MECOM: variants seen among roughly 807,000 people sequenced by gnomAD.
MECOM encodes histone-lysine N-methyltransferase MECOM.
Under a neutral mutation model 116.3 loss-of-function variants are expected in MECOM, and 13 were observed. That is an observed-to-expected ratio of 0.11 (90% CI 0.07 to 0.18). The LOEUF is 0.18. MECOM is among the 10% of genes least tolerant of loss of function. The probability of loss-of-function intolerance (pLI) is 1.00; values close to 1 mark genes in which losing one functional copy is unlikely to be tolerated. For missense variants in MECOM, 1,299 were observed against 1,509.0 expected (o/e 0.86, Z 2.31); for synonymous variants, 528 against 535.2 (o/e 0.99, Z 0.19).
chr3:169,118,646 CAT>C (rs1387706409), intron 7 of MECOM, among the ~76,000 whole-genome samples: 4 of 152,006 alleles, frequency 2.6e-5, no homozygotes, highest in Non-Finnish European at 1.5e-5. Context: ...TCAACCAAGA[CAT>C]AAGTTTTTCA....
intron 2 of MECOM, among the ~76,000 whole-genome samples, chr3:169,192,214 T>G (rs532881103): frequency 4.6e-5 from 7 of 152,074 alleles, no homozygotes; most frequent in Non-Finnish European, 1.0e-4. Context: ...TTTATTTCTG[T>G]TGAAGATTTT....
At chr3:169,601,580 C>G (rs1352044885) in intron 1 of MECOM, among the ~76,000 whole-genome samples, 4 of 152,194 alleles carry the variant, frequency 2.6e-5, no homozygotes, top group Admixed American at 6.5e-5. Flanking sequence ...GCTAAACTCT[C>G]TCACCATGCA....
intron 1 of MECOM, among the ~76,000 whole-genome samples, chr3:169,510,305 C>G (rs1393330243): frequency 3.3e-5 from 5 of 152,188 alleles, no homozygotes; most frequent in Admixed American, 1.3e-4. Flanking sequence ...TTTCAGGCAG[C>G]ACCTGTCACC....
intron 1 of MECOM, among the ~76,000 whole-genome samples, chr3:169,479,425 G>A (rs1750955000): frequency 6.6e-6 from 1 of 151,946 alleles, no homozygotes; most frequent in African/African-American, 2.4e-5. Flanking sequence ...GCCCAGTGTG[G>A]CTGGAGCATA....
chr3:169,588,053 T>C (rs1259874756), intron 1 of MECOM, among the ~76,000 whole-genome samples: 6 of 152,088 alleles, frequency 3.9e-5, no homozygotes, highest in Admixed American at 1.3e-4. Flanking sequence ...CAGAAGAAAA[T>C]TATAAGTAAA....
chr3:169,346,078 T>C (rs1365404339), intron 2 of MECOM, among the ~76,000 whole-genome samples: 1 of 152,114 alleles, frequency 6.6e-6, no homozygotes, highest in Non-Finnish European at 1.5e-5. Flanking sequence ...AAATTGCTCA[T>C]GCAGAGGGTG....
chr3:169,166,391 C>T (rs1248372508), intron 2 of MECOM, among the ~76,000 whole-genome samples: 1 of 152,150 alleles, frequency 6.6e-6, no homozygotes, highest in Non-Finnish European at 1.5e-5. Flanking sequence ...AAATTTTTAT[C>T]ACTCTTTTAA....
intron 2 of MECOM, among the ~76,000 whole-genome samples, chr3:169,347,817 C>T (rs1372565246): frequency 2.6e-5 from 4 of 151,944 alleles, no homozygotes; most frequent in African/African-American, 4.8e-5. Context: ...TTGTCTGGTT[C>T]GCCACATAAA....
At chr3:169,461,557 G>T (rs1333269282) in intron 1 of MECOM, among the ~76,000 whole-genome samples, 2 of 152,130 alleles carry the variant, frequency 1.3e-5, no homozygotes, top group African/African-American at 4.8e-5. Context: ...GAAAGACCCA[G>T]GCTTCTTGGT....
intron 2 of MECOM, among the ~76,000 whole-genome samples, chr3:169,185,657 C>G (rs1461509446): frequency 6.6e-6 from 1 of 152,144 alleles, no homozygotes; most frequent in Non-Finnish European, 1.5e-5. Context: ...TCTTTCGCCT[C>G]TAAACTCCAA....
At chr3:169,424,835 C>T (rs1031932615) in intron 1 of MECOM, among the ~76,000 whole-genome samples, 2 of 152,012 alleles carry the variant, frequency 1.3e-5, no homozygotes, top group Admixed American at 6.6e-5. Flanking sequence ...CTATCTGATT[C>T]ATTTATTTTT....
intron 7 of MECOM, among the ~76,000 whole-genome samples, chr3:169,118,122 G>A (rs912299994): frequency 3.3e-5 from 5 of 151,832 alleles, no homozygotes; most frequent in African/African-American, 1.2e-4. Flanking sequence ...CTCATGTCAA[G>A]GAGATTTTAT....
intron 1 of MECOM, among the ~76,000 whole-genome samples, chr3:169,481,451 C>A (rs942896585): frequency 1.3e-5 from 2 of 151,798 alleles, no homozygotes; most frequent in African/African-American, 2.4e-5. Context: ...TACTTGGGAG[C>A]CCGAGGCAGG....
chr3:169,174,300 G>A (rs1476578661), intron 2 of MECOM, among the ~76,000 whole-genome samples: 4 of 152,076 alleles, frequency 2.6e-5, no homozygotes, highest in Non-Finnish European at 5.9e-5. Flanking sequence ...AATTAAAGTG[G>A]AACTAAATTT....
At chr3:169,629,393 C>G (rs3796144) in intron 1 of MECOM, among the ~76,000 whole-genome samples, 83,699 of 151,560 alleles carry the variant, frequency 0.55, 23,215 homozygotes, top group East Asian at 0.67. Flanking sequence ...CCCTTGTTTA[C>G]AGAAAATGTC....
chr3:169,184,769 G>A (rs1020635624), intron 2 of MECOM, among the ~76,000 whole-genome samples: 23 of 152,064 alleles, frequency 1.5e-4, no homozygotes, highest in African/African-American at 4.8e-4. Flanking sequence ...CAGGTTTGAT[G>A]GTTAAAAAGG....
chr3:169,123,321 G>C (rs1731697265), intron 5 of MECOM, among the ~76,000 whole-genome samples: 1 of 151,358 alleles, frequency 6.6e-6, no homozygotes, highest in Non-Finnish European at 1.5e-5. Flanking sequence ...GTGTGTGTGT[G>C]TGTGTATCAT....
intron 1 of MECOM, among the ~76,000 whole-genome samples, chr3:169,443,330 A>T (rs1744058057): frequency 6.6e-6 from 1 of 151,884 alleles, no homozygotes; most frequent in Non-Finnish European, 1.5e-5. Flanking sequence ...TGGTGTAACT[A>T]TTGTGGTGTT....
At position 169,352,778 on chromosome 3, in the gene MECOM, C is replaced by T. The variant is rs115373737; in HGVS notation, c.375+28409G>A. 3.5e-3 allele frequency among the ~76,000 whole-genome samples: 534 copies of T among 151,976 alleles called. 3 individuals carry two copies. Among genetic ancestry groups the T allele is most frequent in the African/African-American group, 0.012 (489 of 41,520 alleles). Reference sequence around the variant, plus strand: ...GAGCATTCTGCAATAGGACTCAGGACCAAATCATTTCACCAACATTTTTCT... The same window carrying T: ...GAGCATTCTGCAATAGGACTCAGGATCAAATCATTTCACCAACATTTTTCT... On this transcript the variant is annotated intron_variant, in intron 2 of 16. Coordinates refer to ENST00000651503, the MANE Select transcript of MECOM (RefSeq NM_004991.4).
Sources: gnomAD v4.1 joint callset for allele counts (sites outside exome capture counted in the v4.1 genomes callset) on GRCh38, gnomAD v4.1.1 for gene constraint, MANE v1.5 for transcripts, NCBI Gene and HGNC (gene_info 2026-07-23, HGNC 2026-07-21) for gene names.